The following TNFRSF11A variants were observed in gnomAD, a reference collection of about 807,000 sequenced individuals.
TNFRSF11A encodes the protein tumor necrosis factor receptor superfamily member 11A.
Under a neutral mutation model 55.7 loss-of-function variants are expected in TNFRSF11A, and 32 were observed. That is an observed-to-expected ratio of 0.57 (90% CI 0.43 to 0.77). TNFRSF11A has a LOEUF of 0.77. Ranked by LOEUF, TNFRSF11A falls within the 30% of genes least tolerant of loss-of-function variation. TNFRSF11A has a pLI of 0.00. For synonymous variants in TNFRSF11A, 311 were observed against 331.0 expected (o/e 0.94, Z 0.65); for missense variants, 753 against 809.8 (o/e 0.93, Z 0.85).
In TNFRSF11A at chr18:62,335,129, A is replaced by ATTTTTTTTTTTTTTTTTTTT. The variant is rs11289576; in HGVS notation, c.75+9718_75+9719insTTTTTTTTTTTTTTTTTTTT. Among the ~76,000 whole-genome samples the ATTTTTTTTTTTTTTTTTTTT allele has an allele frequency of 8.8e-4, 124 of 140,766 alleles. 5 individuals are homozygous for ATTTTTTTTTTTTTTTTTTTT. Among genetic ancestry groups the ATTTTTTTTTTTTTTTTTTTT allele is most frequent in the South Asian group, 2.7e-3 (12 of 4,394 alleles). 92.3% of individuals were successfully genotyped at this position (140,766 alleles called of 152,430 possible). On this transcript the variant is annotated intron_variant, in intron 1 of 9. Coordinates refer to ENST00000586569, the MANE Select transcript of TNFRSF11A (RefSeq NM_003839.4). Reference sequence around the variant, plus strand: ...CTGTGACCAAGCCACTGGGGTCGGAATTTTTTTTTTTTTTTTGTTACCCAG... The same window carrying ATTTTTTTTTTTTTTTTTTTT: ...CTGTGACCAAGCCACTGGGGTCGGAATTTTTTTTTTTTTTTTTTTTTTTTTTTTTTTTTTTTGTTACCCAG...
intron 1 of TNFRSF11A, among the ~76,000 whole-genome samples, chr18:62,331,334 C>G (rs1390683810): frequency 2.6e-5 from 4 of 152,266 alleles, no homozygotes; most frequent in East Asian, 1.9e-4. Flanking sequence ...TAGTCCAAAT[C>G]AAAATGTTGT....
Position 62,385,280 on chromosome 18 carries a change from C to T in TNFRSF11A, c.*246C>T, listed in dbSNP as rs1911635481. 2 of 416,290 alleles carry T rather than the reference C, an allele frequency of 4.8e-6. No individual in the cohort carries two copies. The highest frequency in any genetic ancestry group is 4.2e-6 in the Non-Finnish European group (1 of 239,052). 25.8% of individuals were successfully genotyped at this position (416,290 alleles called of 1,614,324 possible). ...TGGGGCAGATGTCTCCCCTGCCACT[C>T]CTCAAACTCGCAGCAGTAATTTGTG... is the stretch of plus-strand genomic sequence containing the variant. On this transcript the variant is annotated 3_prime_UTR_variant, in exon 10 of 10. Transcript: ENST00000586569.
chr18:62,372,527 CT>C (rs1910623484), intron 9 of TNFRSF11A, among the ~76,000 whole-genome samples: 1 of 150,436 alleles, frequency 6.6e-6, no homozygotes, highest in South Asian at 2.1e-4. Flanking sequence ...ATTATTTCAA[CT>C]TTTATCTTAG....
chr18:62,362,082 A>G (rs1418050457), intron 7 of TNFRSF11A, among the ~76,000 whole-genome samples: 2 of 152,052 alleles, frequency 1.3e-5, no homozygotes, highest in Non-Finnish European at 1.5e-5. Flanking sequence ...CATCACATAT[A>G]TGGGAGCTTG....
In TNFRSF11A at chr18:62,385,273, T is replaced by A; in HGVS notation, c.*239T>A. 2.6e-6 allele frequency: 1 copy of A among 390,340 alleles called. No homozygotes were observed. 24.2% of individuals were successfully genotyped at this position (390,340 alleles called of 1,614,324 possible). On this transcript the variant is annotated 3_prime_UTR_variant, in exon 10 of 10. Transcript: ENST00000586569. Reference sequence around the variant, plus strand: ...GCCGCACTGGGGCAGATGTCTCCCCTGCCACTCCTCAAACTCGCAGCAGTA... The same window carrying A: ...GCCGCACTGGGGCAGATGTCTCCCCAGCCACTCCTCAAACTCGCAGCAGTA...
intron 3 of TNFRSF11A, among the ~76,000 whole-genome samples, chr18:62,351,325 TG>T (rs2046468861): frequency 6.6e-6 from 1 of 152,200 alleles, no homozygotes; most frequent in African/African-American, 2.4e-5. Flanking sequence ...ATAAATTGGT[TG>T]TTAGATCAAT....
chr18:62,371,872 A>G (rs1228688998), intron 9 of TNFRSF11A, among the ~76,000 whole-genome samples: 1 of 152,222 alleles, frequency 6.6e-6, no homozygotes, highest in African/African-American at 2.4e-5. Context: ...GCCTTATCCC[A>G]TGGTCCCCTC....
At chr18:62,362,161 G>A (rs1041412376) in intron 7 of TNFRSF11A, among the ~76,000 whole-genome samples, 5 of 151,972 alleles carry the variant, frequency 3.3e-5, no homozygotes, top group Non-Finnish European at 5.9e-5. Context: ...TTAGATGACC[G>A]GTAGGGGGGA....
intron 1 of TNFRSF11A, chr18:62,336,251 T>G (rs2046230950): frequency 6.6e-6 from 1 of 152,234 alleles, no homozygotes; most frequent in Non-Finnish European, 1.5e-5. Flanking sequence ...TTGTTAGGAA[T>G]GTAGTCTCAG....
intron 1 of TNFRSF11A, among the ~76,000 whole-genome samples, chr18:62,345,062 T>G (rs1184733211): frequency 6.6e-6 from 1 of 151,866 alleles, no homozygotes; most frequent in African/African-American, 2.4e-5. Flanking sequence ...CAGGCTGGAG[T>G]GACAGAAGCA....
chr18:62,363,652 C>G (rs1011996514), intron 7 of TNFRSF11A, among the ~76,000 whole-genome samples: 1 of 152,240 alleles, frequency 6.6e-6, no homozygotes, highest in Admixed American at 6.5e-5. Flanking sequence ...CATGCATGAG[C>G]CACCGCACCC....
At position 62,362,172 on chromosome 18, in the gene TNFRSF11A, A is replaced by G. The variant is rs369714667; in HGVS notation, c.730+379A>G. On this transcript the variant is annotated intron_variant, in intron 7 of 9. Coordinates refer to ENST00000586569, the MANE Select transcript of TNFRSF11A (RefSeq NM_003839.4). ...ATATTTAGATGACCGGTAGGGGGGA[A>G]TTTCTGACTGGAGTGTTACTTTGAA... Among the ~76,000 whole-genome samples, 22 of 152,188 alleles carry G rather than the reference A, an allele frequency of 1.4e-4. 1 individual carries two copies. The South Asian group carries it at 4.2e-3, about 29-fold the overall frequency.
chr18:62,375,786 A>C (rs996941701), intron 9 of TNFRSF11A, among the ~76,000 whole-genome samples: 6 of 152,100 alleles, frequency 3.9e-5, no homozygotes, highest in African/African-American at 1.4e-4. Context: ...GGATCTCTTG[A>C]ACCCAGGAGT....
In TNFRSF11A at chr18:62,325,991, C is replaced by T. The variant is rs1201965785; in HGVS notation, c.75+564C>T. ...GGCGGGGAGAGACTGCGCGCGCGCC[C>T]CGGGGATGCTGGACTTGACCCTCGC... is the stretch of plus-strand genomic sequence containing the variant. On this transcript the variant is annotated intron_variant, in intron 1 of 9. Transcript: ENST00000586569. This position sits in a 1 kb window ranked among gnomAD's most constrained non-coding sequence, Gnocchi z 4.7. Among the ~76,000 whole-genome samples, 1 of 152,206 alleles carries T rather than the reference C, an allele frequency of 6.6e-6. No individual in the cohort carries two copies. The highest frequency in any genetic ancestry group is 1.5e-5 in the Non-Finnish European group (1 of 68,030).
At position 62,369,348 on chromosome 18, in the gene TNFRSF11A, C is replaced by T. The variant is rs759182790; in HGVS notation, c.1431C>T (p.Gly477=). 4 of 1,609,638 alleles carry T rather than the reference C, an allele frequency of 2.5e-6. No homozygotes were observed. Among genetic ancestry groups the T allele is most frequent in the Non-Finnish European group, 3.4e-6 (4 of 1,178,416 alleles). The change falls in exon 9 of 10, where the codon GGC becomes GGT. Residue 477 remains glycine, a synonymous_variant. Coordinates refer to ENST00000586569, the MANE Select transcript of TNFRSF11A (RefSeq NM_003839.4). ...GPLPQCAYGM[G]LPPEEEASRT... Reference sequence around the variant, plus strand: ...TGCCCCAGTGCGCCTATGGCATGGGCCTTCCCCCTGAAGAAGAAGCCAGCA... The same window carrying T: ...TGCCCCAGTGCGCCTATGGCATGGGTCTTCCCCCTGAAGAAGAAGCCAGCA...
chr18:62,353,247 C>A (rs564522437), intron 3 of TNFRSF11A, among the ~76,000 whole-genome samples: 2 of 152,318 alleles, frequency 1.3e-5, no homozygotes, highest in African/African-American at 2.4e-5. Context: ...CTGTTAAAGA[C>A]ACCTTATTTG....
chr18:62,384,051 A>G (rs960117194), intron 9 of TNFRSF11A, among the ~76,000 whole-genome samples: 3 of 134,196 alleles, frequency 2.2e-5, no homozygotes, highest in Non-Finnish European at 4.6e-5. Flanking sequence ...TGTTGAACAC[A>G]CACACACACA....
At chr18:62,338,937 T>G (rs1436898632) in intron 1 of TNFRSF11A, among the ~76,000 whole-genome samples, 1 of 152,146 alleles carries the variant, frequency 6.6e-6, no homozygotes, top group Admixed American at 6.6e-5. Flanking sequence ...CCTCCCGAAA[T>G]GAGCTGCATT....
chr18:62,329,611 A>AGG (rs1476136051), intron 1 of TNFRSF11A, among the ~76,000 whole-genome samples: 2 of 152,212 alleles, frequency 1.3e-5, no homozygotes, highest in Non-Finnish European at 2.9e-5. Flanking sequence ...AGAACCAAGA[A>AGG]GGAGCCGTGG....
Sources: gnomAD v4.1 joint callset for allele counts (sites outside exome capture counted in the v4.1 genomes callset) on GRCh38, gnomAD v4.1.1 for gene constraint, Gnocchi (gnomAD v3.1) non-coding constraint, MANE v1.5 for transcripts, NCBI Gene and HGNC (gene_info 2026-07-23, HGNC 2026-07-21) for gene names.